INSC: variants seen among roughly 807,000 people sequenced by gnomAD.
INSC encodes protein inscuteable homolog.
In INSC, 67 loss-of-function variants were observed where a neutral mutation model predicts 58.6. The ratio of observed to expected loss-of-function variants is 1.14; its 90% CI spans 0.94 to 1.40. The LOEUF is 1.40. INSC is among the 40% of genes most tolerant of loss of function. The probability of loss-of-function intolerance (pLI) is 0.00; values close to 1 mark genes in which losing one functional copy is unlikely to be tolerated. For missense variants in INSC, 714 were observed against 692.0 expected (o/e 1.03, Z -0.36); for synonymous variants, 262 against 276.1 (o/e 0.95, Z 0.51).
At chr11:15,263,228 A>T in the INSC span, among the ~76,000 whole-genome samples, 1 of 152,116 alleles carries the variant, frequency 6.6e-6, no homozygotes. Flanking sequence ...ACACAGCGTT[A>T]ACAGGTTTAA....
intron 2 of INSC, among the ~76,000 whole-genome samples, chr11:15,168,976 C>A (rs1413877690): frequency 6.6e-6 from 1 of 152,150 alleles, no homozygotes; most frequent in Non-Finnish European, 1.5e-5. Flanking sequence ...AGCAGCTTGC[C>A]TAAGGTCACA....
chr11:15,261,280 G>C, the INSC span, among the ~76,000 whole-genome samples: 1 of 152,038 alleles, frequency 6.6e-6, no homozygotes, highest in Non-Finnish European at 1.5e-5. Flanking sequence ...TTGTGTGCTG[G>C]TTTTCAGTTC....
chr11:15,254,419 C>A, the INSC span, among the ~76,000 whole-genome samples: 1 of 152,094 alleles, frequency 6.6e-6, no homozygotes, highest in South Asian at 2.1e-4. Context: ...TAGAGGGTGG[C>A]AAGTTGTAGA....
At chr11:15,127,175 G>A (rs1397314961) in intron 1 of INSC, among the ~76,000 whole-genome samples, 3 of 152,194 alleles carry the variant, frequency 2.0e-5, no homozygotes, top group Non-Finnish European at 4.4e-5. Flanking sequence ...AGGCACCTAG[G>A]ATACATATTT....
In INSC at chr11:15,175,847, G is replaced by C; in HGVS notation, c.163G>C (p.Glu55Gln). ...CCTGCAGGCCAAGCCCATCAGCCTG[G>C]AAGAGGATGCACAGGGTGACCTCAT... ...CVLQAKPISL[E>Q]EDAQGDLILA... The change falls in exon 3 of 13, where the codon GAA (glutamate) becomes CAA (glutamine). Residue 55 changes from glutamate (E) to glutamine (Q), a missense_variant. Coordinates refer to ENST00000379556, the MANE Select transcript of INSC (RefSeq NM_001042536.3). 1 of 1,613,562 alleles carries C rather than the reference G, an allele frequency of 6.2e-7. No individual in the cohort carries two copies. The highest frequency in any genetic ancestry group is 8.5e-7 in the Non-Finnish European group (1 of 1,179,494).
chr11:15,135,867 G>A (rs1216158722), intron 1 of INSC, among the ~76,000 whole-genome samples: 2 of 152,148 alleles, frequency 1.3e-5, no homozygotes, highest in South Asian at 2.1e-4. Context: ...ATATCAAGAC[G>A]TCCATGGGTT....
At chr11:15,229,932 T>TTA (rs1200993885) in intron 9 of INSC, among the ~76,000 whole-genome samples, 3 of 50,434 alleles carry the variant, frequency 5.9e-5, no homozygotes, top group South Asian at 9.2e-4. Flanking sequence ...TTTTTATATA[T>TTA]TATATATATA....
chr11:15,237,548 G>A (rs534329235), intron 10 of INSC, among the ~76,000 whole-genome samples: 1 of 152,322 alleles, frequency 6.6e-6, no homozygotes, highest in South Asian at 2.1e-4. Flanking sequence ...TAATGAAGGA[G>A]CTATTTTCCA....
intron 9 of INSC, among the ~76,000 whole-genome samples, chr11:15,230,487 G>C (rs529005035): frequency 6.6e-6 from 1 of 152,074 alleles, no homozygotes; most frequent in Non-Finnish European, 1.5e-5. Context: ...ATTCATGAAG[G>C]GTCCACCCCC....
the INSC span, among the ~76,000 whole-genome samples, chr11:15,261,826 CAG>C: frequency 2.0e-5 from 3 of 152,112 alleles, no homozygotes; most frequent in Non-Finnish European, 4.4e-5. Flanking sequence ...CAAGTGCACT[CAG>C]GGACTTAGGA....
chr11:15,214,166 G>T lies in INSC; in HGVS notation c.820-7311G>T, dbSNP rs551522917. ...CTTGCTCCCCTTTCTGATTATAATT[G>T]AATTTGCCCTCTAACTATACCCTGG... is the stretch of plus-strand genomic sequence containing the variant. On this transcript the variant is annotated intron_variant, in intron 7 of 12. Coordinates refer to ENST00000379556, the MANE Select transcript of INSC (RefSeq NM_001042536.3). 3.9e-5 allele frequency among the ~76,000 whole-genome samples: 6 copies of T among 152,192 alleles called. No homozygotes were observed. In the South Asian group the frequency reaches 1.0e-3, roughly 26 times the overall value.
chr11:15,247,982 T>C (rs1214848223), downstream of INSC, among the ~76,000 whole-genome samples: 7 of 152,044 alleles, frequency 4.6e-5, no homozygotes, highest in African/African-American at 1.7e-4. Flanking sequence ...TCTGCCAAAC[T>C]CCTCAGTCTC....
intron 9 of INSC, 51 bp from the exon 10 acceptor site, chr11:15,235,551 A>G: frequency 3.5e-6 from 5 of 1,426,726 alleles, no homozygotes; most frequent in African/African-American, 2.8e-5. Context: ...AGGGAGGACT[A>G]TTAGGATCAG....
chr11:15,224,481 G>T (rs1851556350), intron 8 of INSC, among the ~76,000 whole-genome samples: 1 of 152,210 alleles, frequency 6.6e-6, no homozygotes, highest in Admixed American at 6.5e-5. Flanking sequence ...TAGGGACCAG[G>T]ATAGAACACA....
Position 15,163,143 on chromosome 11 carries a change from T to G in INSC, c.57-12598T>G, listed in dbSNP as rs138967352. Among the ~76,000 whole-genome samples, 278 of 152,356 alleles carry G rather than the reference T, an allele frequency of 1.8e-3. 1 individual carries two copies. The highest frequency in any genetic ancestry group is 6.2e-3 in the African/African-American group (257 of 41,574). The stretch of plus-strand genomic sequence containing the variant: ...ACACTTGAAAGTCATTTTGAATGAA[T>G]ATAAAATCACTGGCTCACACTTTAT... On this transcript the variant is annotated intron_variant, in intron 2 of 12. Coordinates refer to ENST00000379556, the MANE Select transcript of INSC (RefSeq NM_001042536.3).
At chr11:15,129,037 T>C (rs1848064563) in intron 1 of INSC, among the ~76,000 whole-genome samples, 1 of 152,208 alleles carries the variant, frequency 6.6e-6, no homozygotes, top group African/African-American at 2.4e-5. Flanking sequence ...AGCCAGATCT[T>C]TGCTTGGGGC....
intron 1 of INSC, among the ~76,000 whole-genome samples, chr11:15,147,103 C>A (rs966100691): frequency 1.4e-4 from 22 of 152,144 alleles, no homozygotes; most frequent in African/African-American, 5.3e-4. Flanking sequence ...CTACTTGCTC[C>A]CTGCCATCTA....
chr11:15,211,484 G>GT (rs1471750957), intron 7 of INSC, among the ~76,000 whole-genome samples: 1 of 152,034 alleles, frequency 6.6e-6, no homozygotes, highest in African/African-American at 2.4e-5. Flanking sequence ...CCTGTGGTAG[G>GT]TTTTTTTATT....
intron 7 of INSC, among the ~76,000 whole-genome samples, chr11:15,211,502 T>C (rs1212228519): frequency 6.6e-6 from 1 of 152,228 alleles, no homozygotes; most frequent in Non-Finnish European, 1.5e-5. Flanking sequence ...ATTCTCTTAA[T>C]GGTGTCTTTT....
Sources: allele counts gnomAD v4.1 joint callset (sites outside exome capture counted in the v4.1 genomes callset), GRCh38; gene constraint gnomAD v4.1.1; transcripts MANE v1.5; gene names NCBI Gene and HGNC (gene_info 2026-07-23, HGNC 2026-07-21).